THTPA: variants seen among roughly 807,000 people sequenced by gnomAD.
The protein encoded by THTPA is thiamine-triphosphatase.
Under a neutral mutation model 16.5 loss-of-function variants are expected in THTPA, and 16 were observed. That is an observed-to-expected ratio of 0.97 (90% CI 0.66 to 1.47). The LOEUF is 1.47. Among genes scored for constraint, THTPA ranks in the 40% most tolerant of loss-of-function variants. THTPA has a pLI of 0.00. For missense variants in THTPA, 281 were observed against 280.9 expected (o/e 1.00, Z 0.00); for synonymous variants, 110 against 115.5 (o/e 0.95, Z 0.30).
At position 23,557,297 on chromosome 14, in the gene THTPA, C is replaced by A. The variant is rs151273478; in HGVS notation, c.540C>A (p.Ser180Arg). The change falls in exon 1 of 2, where the codon AGC becomes AGA. Residue 180 changes from serine (S) to arginine (R), a missense_variant. Coordinates refer to ENST00000288014, the MANE Select transcript of THTPA (RefSeq NM_024328.6). ...TAGAGAAGATCCACAGGCTCAGCAGCATGCTTGGTGAGGGAGACAGGCCCT... is the reference window on the plus strand; with the variant it reads ...TAGAGAAGATCCACAGGCTCAGCAGAATGCTTGGTGAGGGAGACAGGCCCT... Reference protein sequence around the residue: ...TALEKIHRLSSMLGVPAQETA... With the variant: ...TALEKIHRLSRMLGVPAQETA... 2 of 1,593,086 alleles carry A rather than the reference C, an allele frequency of 1.3e-6. No individual in the cohort carries two copies. The highest frequency in any genetic ancestry group is 4.5e-5 in the East Asian group (2 of 44,590).
At chr14:23,530,120 C>G in the THTPA span, 1 of 1,535,932 alleles carries the variant, frequency 6.5e-7, no homozygotes, top group Non-Finnish European at 8.7e-7. Flanking sequence ...GAAAACTCAC[C>G]CAATTGTTCT....
At chr14:23,555,555 T>C (rs1331610638), upstream of THTPA, among the ~76,000 whole-genome samples, 1 of 152,170 alleles carries the variant, frequency 6.6e-6, no homozygotes, top group East Asian at 1.9e-4. Flanking sequence ...AATACCACTT[T>C]ATTCTCTGAC....
the THTPA span, among the ~76,000 whole-genome samples, chr14:23,519,407 C>G: frequency 1.3e-5 from 2 of 152,094 alleles, no homozygotes; most frequent in African/African-American, 4.8e-5. Flanking sequence ...CAGATACATG[C>G]TGCTAAGAAA....
chr14:23,533,122 A>G, the THTPA span: 2 of 1,481,506 alleles, frequency 1.3e-6, no homozygotes, highest in South Asian at 1.3e-5. This position sits in a 1 kb window ranked among gnomAD's most constrained non-coding sequence, Gnocchi z 4.8. Context: ...CAAGAAAGAA[A>G]TGGGGCACGG....
the THTPA span, chr14:23,523,198 C>T: frequency 7.0e-7 from 1 of 1,418,986 alleles, no homozygotes; most frequent in Admixed American, 3.1e-5. This position sits in a 1 kb window ranked among gnomAD's most constrained non-coding sequence, Gnocchi z 4.1. Context: ...AGCCTCCCTA[C>T]TCACCTGAAT....
the THTPA span, among the ~76,000 whole-genome samples, chr14:23,520,017 C>G: frequency 6.6e-6 from 1 of 152,208 alleles, no homozygotes; most frequent in Non-Finnish European, 1.5e-5. The surrounding 1 kb of genome is among the most constrained non-coding windows in gnomAD (Gnocchi z 8.7). Context: ...ACATGGACTT[C>G]TCTACCCCAC....
chr14:23,520,689 G>A, the THTPA span, among the ~76,000 whole-genome samples: 1 of 152,030 alleles, frequency 6.6e-6, no homozygotes, highest in Non-Finnish European at 1.5e-5. The surrounding 1 kb of genome is among the most constrained non-coding windows in gnomAD (Gnocchi z 8.7). Context: ...GCATAGCAGG[G>A]GAGGGCTGCA....
At chr14:23,554,836 C>T (rs1353463785), upstream of THTPA, among the ~76,000 whole-genome samples, 1 of 152,128 alleles carries the variant, frequency 6.6e-6, no homozygotes. Flanking sequence ...TTAAGAGCCA[C>T]GGTTCCTCAG....
Position 23,558,791 on chromosome 14 carries a change from C to G in THTPA, c.644C>G (p.Ser215Cys). The change falls in exon 2 of 2, where the codon TCC becomes TGC. Residue 215 changes from serine to cysteine, a missense_variant. Physicochemically the swap from Ser to Cys is moderately radical, Grantham distance 112 (BLOSUM62 -1). Coordinates refer to ENST00000288014, the MANE Select transcript of THTPA (RefSeq NM_024328.6). ...DYQRLLEVNSSRERPQETEDP... is the reference protein window; with the variant it reads ...DYQRLLEVNSCRERPQETEDP... ...CAGCGCCTGCTAGAAGTGAACAGCTCCAGAGAGAGGCCACAGGAGACTGAA... is the reference window on the plus strand; with the variant it reads ...CAGCGCCTGCTAGAAGTGAACAGCTGCAGAGAGAGGCCACAGGAGACTGAA... The G allele has an allele frequency of 6.2e-7, 1 of 1,614,188 alleles. No individual in the cohort carries two copies. Among genetic ancestry groups the G allele is most frequent in the South Asian group, 1.1e-5 (1 of 91,084 alleles).
At chr14:23,543,881 C>T in the THTPA span, 1 of 151,898 alleles carries the variant, frequency 6.6e-6, no homozygotes, top group African/African-American at 2.4e-5. Flanking sequence ...TCAGACAGAC[C>T]TGGAATCAAA....
chr14:23,524,625 G>A, the THTPA span: 1 of 1,536,402 alleles, frequency 6.5e-7, no homozygotes. This position sits in a 1 kb window ranked among gnomAD's most constrained non-coding sequence, Gnocchi z 5.6. Context: ...ATGGCACACT[G>A]GTCACAGGTA....
the THTPA span, chr14:23,524,590 C>T: frequency 6.5e-7 from 1 of 1,535,870 alleles, no homozygotes. The surrounding 1 kb of genome is among the most constrained non-coding windows in gnomAD (Gnocchi z 5.6). Context: ...GGTGACTGGT[C>T]AGGAGGTCCT....
chr14:23,521,463 C>G, the THTPA span: 1 of 154,252 alleles, frequency 6.5e-6, no homozygotes, highest in South Asian at 2.0e-4. Context: ...TTTTCCTTCC[C>G]CCTTCTTTGC....
chr14:23,533,109 G>A, the THTPA span: 19 of 1,488,992 alleles, frequency 1.3e-5, no homozygotes, highest in African/African-American at 2.6e-4. This position sits in a 1 kb window ranked among gnomAD's most constrained non-coding sequence, Gnocchi z 4.8. Context: ...CAGATTAGTG[G>A]CCCAAGAAAG....
In THTPA at chr14:23,557,008, C is replaced by G. The variant is rs367966553; in HGVS notation, c.251C>G (p.Ala84Gly). Residue 84 changes from alanine to glycine, a missense_variant, in exon 1 of 2, where the codon GCG becomes GGG. Transcript: ENST00000288014. ...GPHTEYKELT[A>G]EPTIVAQLCK... ...CACACGGAGTATAAGGAACTCACAG[C>G]GGAACCTACAATTGTGGCCCAACTC... 1 of 1,614,070 alleles carries G rather than the reference C, an allele frequency of 6.2e-7. No individual in the cohort carries two copies. The highest frequency in any genetic ancestry group is 8.5e-7 in the Non-Finnish European group (1 of 1,180,042).
chr14:23,513,176 G>C, the THTPA span: 1 of 152,120 alleles, frequency 6.6e-6, no homozygotes, highest in Non-Finnish European at 1.5e-5. Context: ...AGAGAGGGAG[G>C]GAGGCTGGGC....
chr14:23,554,957 A>T (rs914343556), upstream of THTPA, among the ~76,000 whole-genome samples: 1 of 152,132 alleles, frequency 6.6e-6, no homozygotes, highest in African/African-American at 2.4e-5. Context: ...CTCCCAAAGC[A>T]TTCAAAGGGC....
At chr14:23,543,722 A>G in the THTPA span, 1 of 152,060 alleles carries the variant, frequency 6.6e-6, no homozygotes, top group African/African-American at 2.4e-5. Context: ...TCTTTGAATG[A>G]TATGTGTACC....
At chr14:23,533,009 G>A in the THTPA span, 2 of 1,536,158 alleles carry the variant, frequency 1.3e-6, no homozygotes, top group Non-Finnish European at 8.7e-7. The surrounding 1 kb of genome is among the most constrained non-coding windows in gnomAD (Gnocchi z 4.8). Flanking sequence ...GGGTGGTGAG[G>A]TGGGCAGGCT....
Sources: allele counts gnomAD v4.1 joint callset (sites outside exome capture counted in the v4.1 genomes callset), GRCh38; gene constraint gnomAD v4.1.1; non-coding constraint Gnocchi (gnomAD v3.1); transcripts MANE v1.5; gene names NCBI Gene and HGNC (gene_info 2026-07-23, HGNC 2026-07-21).